GABRB1: variants seen among roughly 807,000 people sequenced by gnomAD.
GABRB1 encodes gamma-aminobutyric acid receptor subunit beta-1.
Under a neutral mutation model 51.6 loss-of-function variants are expected in GABRB1, and 17 were observed. That is an observed-to-expected ratio of 0.33 (90% CI 0.23 to 0.49). GABRB1 has a LOEUF of 0.49. Ranked by LOEUF, GABRB1 falls within the 20% of genes least tolerant of loss-of-function variation. The pLI is 0.99. For synonymous variants in GABRB1, 247 were observed against 218.9 expected, an observed-to-expected ratio of 1.13 and a Z score of -1.14; for missense variants, 410 against 600.6, an observed-to-expected ratio of 0.68 and a Z score of 3.32.
At chr4:47,088,369 G>A (rs1728163418) in intron 3 of GABRB1, among the ~76,000 whole-genome samples, 1 of 152,152 alleles carries the variant, frequency 6.6e-6, no homozygotes, top group Admixed American at 6.5e-5. Flanking sequence ...TTTAATTCAG[G>A]AGATACAGGA....
At chr4:47,071,305 A>G (rs1293925756) in intron 3 of GABRB1, among the ~76,000 whole-genome samples, 4 of 152,224 alleles carry the variant, frequency 2.6e-5, no homozygotes, top group African/African-American at 4.8e-5. Context: ...GAGCAGCCAG[A>G]GTGATCCTCT....
At chr4:47,039,565 G>A (rs777322061) in intron 3 of GABRB1, among the ~76,000 whole-genome samples, 3 of 152,112 alleles carry the variant, frequency 2.0e-5, no homozygotes, top group Admixed American at 1.3e-4. Context: ...GGTCTATGTG[G>A]TAGGTGCTAT....
chr4:47,388,553 G>A (rs751970637), intron 5 of GABRB1, among the ~76,000 whole-genome samples: 46 of 152,272 alleles, frequency 3.0e-4, no homozygotes, highest in South Asian at 2.1e-4. Context: ...CTGGGGATAC[G>A]TCCAAATCTG....
At chr4:47,194,699 A>G (rs1295201657) in intron 4 of GABRB1, among the ~76,000 whole-genome samples, 1 of 152,222 alleles carries the variant, frequency 6.6e-6, no homozygotes, top group Non-Finnish European at 1.5e-5. Flanking sequence ...GATCTCTTCA[A>G]TGAGGAAATT....
At chr4:47,163,143 A>G (rs1718033282) in intron 4 of GABRB1, among the ~76,000 whole-genome samples, 1 of 152,078 alleles carries the variant, frequency 6.6e-6, no homozygotes, top group African/African-American at 2.4e-5. Flanking sequence ...TGAACAAATT[A>G]TGTAAATTTG....
chr4:47,312,127 AAATG>A (rs548032258), intron 4 of GABRB1, among the ~76,000 whole-genome samples: 348 of 151,948 alleles, frequency 2.3e-3, no homozygotes, highest in Non-Finnish European at 4.3e-3. Context: ...TAAATACAGA[AAATG>A]TATTATGATT....
intron 4 of GABRB1, among the ~76,000 whole-genome samples, chr4:47,308,302 A>C (rs1237623063): frequency 6.6e-6 from 1 of 152,080 alleles, no homozygotes; most frequent in Non-Finnish European, 1.5e-5. Context: ...ATGAAAAGAC[A>C]TACTACAATG....
intron 5 of GABRB1, among the ~76,000 whole-genome samples, chr4:47,357,694 G>C (rs1297146520): frequency 4.6e-5 from 7 of 152,174 alleles, no homozygotes; most frequent in Non-Finnish European, 2.9e-5. Flanking sequence ...CAACAGTGTT[G>C]ATGGTACAAG....
rs146612027 is a variant in GABRB1, at chr4:47,035,953, G to A, written c.240+3469G>A. On this transcript the variant is annotated intron_variant, in intron 3 of 8. Coordinates refer to ENST00000295454, the MANE Select transcript of GABRB1 (RefSeq NM_000812.4). The stretch of plus-strand genomic sequence containing the variant: ...ACCAAGTAGGAGTTCCAACCAGGCA[G>A]CTCTCTGTACCTAATCTGAAGACAC... Among the ~76,000 whole-genome samples the A allele has an allele frequency of 4.9e-3, 747 of 152,236 alleles. 5 individuals are homozygous for A. The highest frequency in any genetic ancestry group is 0.014 in the Middle Eastern group (4 of 294).
At chr4:47,238,955 G>T (rs1721426441) in intron 4 of GABRB1, among the ~76,000 whole-genome samples, 1 of 152,186 alleles carries the variant, frequency 6.6e-6, no homozygotes, top group African/African-American at 2.4e-5. Flanking sequence ...GTTAGTTGAG[G>T]ACAGACATTC....
chr4:47,046,222 A>G (rs1726078541), intron 3 of GABRB1, among the ~76,000 whole-genome samples: 1 of 152,044 alleles, frequency 6.6e-6, no homozygotes, highest in Non-Finnish European at 1.5e-5. Context: ...AAATTACCCA[A>G]TGTCAGATAT....
At position 47,138,755 on chromosome 4, in the gene GABRB1, C is replaced by T. The variant is rs530513505; in HGVS notation, c.241-22494C>T. 3.2e-4 allele frequency among the ~76,000 whole-genome samples: 48 copies of T among 152,162 alleles called. 2 individuals are homozygous for T. The South Asian group carries it at 4.4e-3, about 14-fold the overall frequency. On this transcript the variant is annotated intron_variant, in intron 3 of 8. Coordinates refer to ENST00000295454, the MANE Select transcript of GABRB1 (RefSeq NM_000812.4). ...AGATGTTCAAAACTGTGAGCTAGAGCGAGGCAGAATTCTGATGCCATTTGA... is the reference window on the plus strand; with the variant it reads ...AGATGTTCAAAACTGTGAGCTAGAGTGAGGCAGAATTCTGATGCCATTTGA...
intron 4 of GABRB1, among the ~76,000 whole-genome samples, chr4:47,167,062 C>T (rs1181087222): frequency 6.6e-6 from 1 of 152,054 alleles, no homozygotes; most frequent in Non-Finnish European, 1.5e-5. Context: ...AATTGTATTT[C>T]CTTAAACTTT....
chr4:47,308,042 T>A (rs1339339474), intron 4 of GABRB1, among the ~76,000 whole-genome samples: 1 of 151,974 alleles, frequency 6.6e-6, no homozygotes, highest in Non-Finnish European at 1.5e-5. Context: ...ATCTTATTTA[T>A]TAGATTCTAG....
intron 3 of GABRB1, among the ~76,000 whole-genome samples, chr4:47,150,577 A>G (rs1717396071): frequency 6.6e-6 from 1 of 150,972 alleles, no homozygotes; most frequent in African/African-American, 2.4e-5. Flanking sequence ...GTGCTGTGTC[A>G]TTAAGAAAGG....
chr4:47,054,406 T>G (rs1354662389), intron 3 of GABRB1, among the ~76,000 whole-genome samples: 1 of 152,202 alleles, frequency 6.6e-6, no homozygotes, highest in Admixed American at 6.5e-5. Flanking sequence ...TTAGACTCAC[T>G]TCTTTTTTTC....
intron 4 of GABRB1, among the ~76,000 whole-genome samples, chr4:47,282,895 T>C (rs1723344251): frequency 6.6e-6 from 1 of 152,120 alleles, no homozygotes; most frequent in Admixed American, 6.6e-5. Context: ...TACTTGACAA[T>C]ATGACACTCA....
At chr4:47,056,624 G>A (rs1406717203) in intron 3 of GABRB1, among the ~76,000 whole-genome samples, 3 of 152,076 alleles carry the variant, frequency 2.0e-5, no homozygotes, top group Admixed American at 6.5e-5. Flanking sequence ...AAAGACTCAA[G>A]CCTGGGCCTA....
intron 8 of GABRB1, among the ~76,000 whole-genome samples, chr4:47,415,511 A>G (rs1225858557): frequency 1.3e-5 from 2 of 152,202 alleles, no homozygotes; most frequent in East Asian, 3.8e-4. Flanking sequence ...TAAACTTGTC[A>G]TATTTTCACG....
Sources: gnomAD v4.1 joint callset for allele counts (sites outside exome capture counted in the v4.1 genomes callset) on GRCh38, gnomAD v4.1.1 for gene constraint, MANE v1.5 for transcripts, NCBI Gene and HGNC (gene_info 2026-07-23, HGNC 2026-07-21) for gene names.